Variants in LRRTM4 observed in about 807,000 individuals in gnomAD.
The protein encoded by LRRTM4 is leucine-rich repeat transmembrane neuronal protein 4.
A neutral mutation model predicts 47.6 loss-of-function variants in LRRTM4; 25 were observed. That is an observed-to-expected ratio of 0.53 (90% CI 0.38 to 0.73). The LOEUF (loss-of-function observed/expected upper bound fraction) is 0.73, where lower values mean the gene tolerates loss of function less well. Ranked by LOEUF, LRRTM4 falls within the 30% of genes least tolerant of loss-of-function variation. The pLI is 0.00. For missense variants in LRRTM4, 638 were observed against 713.4 expected (o/e 0.89, Z 1.20); for synonymous variants, 311 against 269.5 (o/e 1.15, Z -1.51).
intron 3 of LRRTM4, among the ~76,000 whole-genome samples, chr2:76,976,308 A>G (rs1676416419): frequency 1.3e-5 from 2 of 151,778 alleles, no homozygotes. Flanking sequence ...ATCAAAATAT[A>G]TTCTATTTAG....
chr2:77,365,860 T>A (rs1237141109), intron 3 of LRRTM4, among the ~76,000 whole-genome samples: 1 of 149,772 alleles, frequency 6.7e-6, no homozygotes, highest in South Asian at 2.1e-4. Flanking sequence ...ATACAAGCAA[T>A]GTTTTAGAAT....
chr2:76,945,992 A>G (rs747581159), intron 3 of LRRTM4, among the ~76,000 whole-genome samples: 1 of 152,010 alleles, frequency 6.6e-6, no homozygotes, highest in Non-Finnish European at 1.5e-5. Context: ...TGATATTTTA[A>G]CTTTTCAAGC....
chr2:77,458,036 ATCGT>A (rs764878433), intron 3 of LRRTM4, among the ~76,000 whole-genome samples: 3 of 152,150 alleles, frequency 2.0e-5, no homozygotes, highest in Non-Finnish European at 4.4e-5. Flanking sequence ...GAAATGCCAA[ATCGT>A]TCATAAGGAG....
At chr2:77,354,470 A>G (rs73941226) in intron 3 of LRRTM4, among the ~76,000 whole-genome samples, 2,567 of 152,260 alleles carry the variant, frequency 0.017, 77 homozygotes, top group African/African-American at 0.059. Flanking sequence ...TTTGAGTAGC[A>G]TATTTCAAAC....
intron 3 of LRRTM4, among the ~76,000 whole-genome samples, chr2:77,334,551 T>G (rs972348982): frequency 6.6e-6 from 1 of 152,192 alleles, no homozygotes; most frequent in Non-Finnish European, 1.5e-5. Flanking sequence ...CCACATAAGA[T>G]GTGACTTACT....
chr2:77,346,410 G>A lies in LRRTM4; in HGVS notation c.1551+171908C>T, dbSNP rs146731753. ...TATCAATTAAATATAAATTTAAAAG[G>A]TATATTTGCCAAAACAATGACGGAT... is the stretch of plus-strand genomic sequence containing the variant. On this transcript the variant is annotated intron_variant, in intron 3 of 3. Transcript: ENST00000409884. Among the ~76,000 whole-genome samples the A allele has an allele frequency of 1.3e-3, 202 of 152,096 alleles. 1 individual carries two copies. The highest frequency in any genetic ancestry group is 1.3e-3 in the Non-Finnish European group (89 of 67,972).
At chr2:77,446,157 A>G (rs1442487071) in intron 3 of LRRTM4, among the ~76,000 whole-genome samples, 1 of 152,062 alleles carries the variant, frequency 6.6e-6, no homozygotes, top group African/African-American at 2.4e-5. Flanking sequence ...TGTAATAGGC[A>G]ATCTGTTTAT....
chr2:77,080,265 T>C (rs1391782582), intron 3 of LRRTM4, among the ~76,000 whole-genome samples: 1 of 152,202 alleles, frequency 6.6e-6, no homozygotes, highest in Admixed American at 6.5e-5. Flanking sequence ...TTGGTTGTTT[T>C]CAATCTCCTT....
intron 3 of LRRTM4, among the ~76,000 whole-genome samples, chr2:76,805,122 A>C (rs1675904381): frequency 1.3e-5 from 2 of 152,258 alleles, no homozygotes; most frequent in Middle Eastern, 3.4e-3. Context: ...CCTCATGGAG[A>C]CAGGAATCAA....
chr2:76,768,778 T>C (rs1673559011), intron 3 of LRRTM4, among the ~76,000 whole-genome samples: 1 of 152,166 alleles, frequency 6.6e-6, no homozygotes, highest in Non-Finnish European at 1.5e-5. Flanking sequence ...ATATTCTCAC[T>C]AGGCATTGCG....
chr2:76,886,394 T>A (rs1019107394), intron 3 of LRRTM4, among the ~76,000 whole-genome samples: 7 of 152,152 alleles, frequency 4.6e-5, no homozygotes, highest in Non-Finnish European at 7.4e-5. Context: ...TACTCATCAA[T>A]CTTTAGTTAA....
intron 3 of LRRTM4, among the ~76,000 whole-genome samples, chr2:77,030,480 C>G (rs1678615856): frequency 6.6e-6 from 1 of 152,022 alleles, no homozygotes; most frequent in Non-Finnish European, 1.5e-5. Context: ...GGTGTGTTTT[C>G]TATTACAATG....
intron 3 of LRRTM4, among the ~76,000 whole-genome samples, chr2:77,229,868 G>T (rs1674917637): frequency 6.6e-6 from 1 of 151,942 alleles, no homozygotes; most frequent in South Asian, 2.1e-4. Flanking sequence ...TATTAGAATT[G>T]TCATTAAATT....
intron 3 of LRRTM4, among the ~76,000 whole-genome samples, chr2:76,996,302 C>T (rs1298562116): frequency 1.3e-5 from 2 of 151,922 alleles, no homozygotes; most frequent in African/African-American, 2.4e-5. Flanking sequence ...TAAACAAAAC[C>T]TCTGTTGAGA....
At chr2:77,317,750 T>C (rs895317105) in intron 3 of LRRTM4, among the ~76,000 whole-genome samples, 7 of 152,102 alleles carry the variant, frequency 4.6e-5, no homozygotes, top group Admixed American at 6.5e-5. Context: ...TTGTAATAAA[T>C]ACATTTGGCT....
intron 3 of LRRTM4, among the ~76,000 whole-genome samples, chr2:76,804,533 G>A (rs1274490009): frequency 6.6e-6 from 1 of 151,316 alleles, no homozygotes; most frequent in Non-Finnish European, 1.5e-5. Flanking sequence ...TTAACCGGCT[G>A]ATGCCCTTTT....
At chr2:77,366,869 G>T (rs1260724885) in intron 3 of LRRTM4, among the ~76,000 whole-genome samples, 1 of 151,614 alleles carries the variant, frequency 6.6e-6, no homozygotes, top group African/African-American at 2.4e-5. Context: ...ATACTGTGTT[G>T]GTCGTTTAGC....
intron 3 of LRRTM4, among the ~76,000 whole-genome samples, chr2:77,479,245 G>C (rs1677557165): frequency 6.6e-6 from 1 of 151,900 alleles, no homozygotes; most frequent in African/African-American, 2.4e-5. Flanking sequence ...AAGCAATTTA[G>C]TTTCTTTCTT....
intron 3 of LRRTM4, among the ~76,000 whole-genome samples, chr2:77,245,968 T>A (rs1286623676): frequency 6.6e-6 from 1 of 152,196 alleles, no homozygotes; most frequent in African/African-American, 2.4e-5. Flanking sequence ...TCACATAACA[T>A]GATTAGCCAA....
Sources: gnomAD v4.1 joint callset for allele counts (sites outside exome capture counted in the v4.1 genomes callset) on GRCh38, gnomAD v4.1.1 for gene constraint, MANE v1.5 for transcripts, NCBI Gene and HGNC (gene_info 2026-07-23, HGNC 2026-07-21) for gene names.